Variants in POFUT3 observed in about 807,000 individuals in gnomAD.
POFUT3 encodes the protein GDP-fucose protein O-fucosyltransferase 3.
the POFUT3 span, among the ~76,000 whole-genome samples, chr8:33,319,762 T>A: frequency 3.9e-5 from 4 of 101,814 alleles, 1 homozygote; most frequent in African/African-American, 1.5e-4. Flanking sequence ...ATATATAATA[T>A]ATATATTTAG....
the POFUT3 span, among the ~76,000 whole-genome samples, chr8:33,399,399 T>C: frequency 2.0e-4 from 31 of 152,198 alleles, no homozygotes; most frequent in African/African-American, 7.2e-4. Context: ...TACATAGTCA[T>C]AATAATGTAA....
chr8:33,356,249 T>C, the POFUT3 span, among the ~76,000 whole-genome samples: 1 of 152,214 alleles, frequency 6.6e-6, no homozygotes, highest in Non-Finnish European at 1.5e-5. Flanking sequence ...ATCGCCACAC[T>C]CACTTCCACA....
chr8:33,318,300 T>G, the POFUT3 span, among the ~76,000 whole-genome samples: 1 of 151,234 alleles, frequency 6.6e-6, no homozygotes, highest in African/African-American at 2.4e-5. Context: ...TTCAGAATCT[T>G]GGGGGTGCTT....
the POFUT3 span, among the ~76,000 whole-genome samples, chr8:33,461,016 G>A: frequency 5.3e-5 from 8 of 152,098 alleles, no homozygotes; most frequent in Non-Finnish European, 8.8e-5. Context: ...TTAGCTGGGC[G>A]TGGTAGCGGG....
chr8:33,425,997 G>A, the POFUT3 span, among the ~76,000 whole-genome samples: 4 of 151,786 alleles, frequency 2.6e-5, no homozygotes, highest in East Asian at 1.9e-4. Flanking sequence ...ACCGCCTCCC[G>A]AGTTCAAGCA....
the POFUT3 span, among the ~76,000 whole-genome samples, chr8:33,375,638 T>C: frequency 5.7e-4 from 87 of 152,310 alleles, no homozygotes; most frequent in African/African-American, 1.6e-3. Flanking sequence ...GTGTACTACA[T>C]GGTTTATTTT....
At chr8:33,355,602 G>A in the POFUT3 span, among the ~76,000 whole-genome samples, 5 of 152,038 alleles carry the variant, frequency 3.3e-5, no homozygotes, top group African/African-American at 1.2e-4. Flanking sequence ...TATAAACTGG[G>A]ATGTTATATT....
At chr8:33,355,719 G>T in the POFUT3 span, among the ~76,000 whole-genome samples, 1 of 151,740 alleles carries the variant, frequency 6.6e-6, no homozygotes, top group East Asian at 1.9e-4. Context: ...TGTGCACAAT[G>T]TGCAGGTTAG....
At chr8:33,426,212 C>T in the POFUT3 span, among the ~76,000 whole-genome samples, 1 of 152,054 alleles carries the variant, frequency 6.6e-6, no homozygotes, top group Admixed American at 6.6e-5. Flanking sequence ...GCCTGAAGAT[C>T]ACTTCTTAAA....
the POFUT3 span, among the ~76,000 whole-genome samples, chr8:33,471,988 T>C: frequency 7.2e-5 from 11 of 152,266 alleles, no homozygotes; most frequent in Non-Finnish European, 1.6e-4. Context: ...TTCAAAGAGC[T>C]GAGCTGCTTA....
At chr8:33,342,452 C>G in the POFUT3 span, among the ~76,000 whole-genome samples, 1 of 150,338 alleles carries the variant, frequency 6.7e-6, no homozygotes, top group African/African-American at 2.5e-5. Flanking sequence ...ATAAAGAACT[C>G]TCAAAACTTA....
the POFUT3 span, among the ~76,000 whole-genome samples, chr8:33,395,409 A>G: frequency 1.3e-5 from 2 of 152,010 alleles, no homozygotes; most frequent in Non-Finnish European, 1.5e-5. Flanking sequence ...GTCAGAGAGG[A>G]GTTCGGCCAG....
the POFUT3 span, among the ~76,000 whole-genome samples, chr8:33,331,516 T>C: frequency 6.6e-6 from 1 of 151,998 alleles, no homozygotes; most frequent in African/African-American, 2.4e-5. Flanking sequence ...GCAAGTGTAG[T>C]TGGCTTAAGA....
the POFUT3 span, among the ~76,000 whole-genome samples, chr8:33,439,296 G>A: frequency 2.6e-5 from 4 of 152,006 alleles, no homozygotes; most frequent in African/African-American, 7.2e-5. Context: ...CCAGCTACTC[G>A]AGAGGCTGAG....
chr8:33,438,858 T>C, the POFUT3 span, among the ~76,000 whole-genome samples: 2 of 152,184 alleles, frequency 1.3e-5, no homozygotes, highest in Non-Finnish European at 1.5e-5. Flanking sequence ...GTGAGATTTA[T>C]TCACTACCAT....
At chr8:33,399,294 G>C in the POFUT3 span, among the ~76,000 whole-genome samples, 8 of 152,170 alleles carry the variant, frequency 5.3e-5, no homozygotes. Flanking sequence ...TAGGAGAAGT[G>C]TGTTAAAATC....
the POFUT3 span, among the ~76,000 whole-genome samples, chr8:33,392,602 A>C: frequency 3.3e-5 from 5 of 151,976 alleles, no homozygotes; most frequent in South Asian, 1.0e-3. Context: ...AAATAAAATA[A>C]ATAAAAACAC....
At chr8:33,415,593 T>C in the POFUT3 span, among the ~76,000 whole-genome samples, 1 of 152,178 alleles carries the variant, frequency 6.6e-6, no homozygotes, top group African/African-American at 2.4e-5. Flanking sequence ...GTGACAGATT[T>C]ATTCTCCCCA....
chr8:33,344,300 CAG>C, the POFUT3 span, among the ~76,000 whole-genome samples: 1 of 152,190 alleles, frequency 6.6e-6, no homozygotes, highest in Non-Finnish European at 1.5e-5. Context: ...AAGCTGTGCT[CAG>C]AGATGTGAAT....
Sources: gnomAD v4.1 joint callset for allele counts (sites outside exome capture counted in the v4.1 genomes callset) on GRCh38, gnomAD v4.1.1 for gene constraint, MANE v1.5 for transcripts, NCBI Gene and HGNC (gene_info 2026-07-23, HGNC 2026-07-21) for gene names.